Variants in VPS53 observed in about 807,000 individuals in gnomAD.
The protein encoded by VPS53 is VPS53 subunit of GARP complex, also known as vacuolar protein sorting-associated protein 53 homolog.
Under a neutral mutation model 107.0 loss-of-function variants are expected in VPS53, and 70 were observed. The observed-to-expected ratio is 0.65, with a 90% CI of 0.54 to 0.80. The LOEUF (loss-of-function observed/expected upper bound fraction) is 0.80. Ranked by LOEUF, VPS53 falls within the 30% of genes least tolerant of loss-of-function variation. VPS53 has a pLI of 0.00. For synonymous variants in VPS53, 409 were observed against 393.3 expected (o/e 1.04, Z -0.47); for missense variants, 917 against 1,049.4 (o/e 0.87, Z 1.74).
Position 708,153 on chromosome 17 carries a change from C to G in VPS53, c.168+2380G>C, listed in dbSNP as rs1394500179. 3.3e-5 allele frequency among the ~76,000 whole-genome samples: 5 copies of G among 152,312 alleles called. No homozygotes were observed. The East Asian group carries it at 9.6e-4, about 29-fold the overall frequency. ...CGAAACTAAGAAGTAGTAGGAAAGA[C>G]AGCTGGGCCCGGGGCACCACTACCA... On this transcript the variant is annotated intron_variant, in intron 2 of 21. Coordinates refer to ENST00000437048, the MANE Select transcript of VPS53 (RefSeq NM_001128159.3).
At chr17:692,249 T>G (rs185367153) in intron 4 of VPS53, among the ~76,000 whole-genome samples, 3 of 152,320 alleles carry the variant, frequency 2.0e-5, no homozygotes, top group South Asian at 2.1e-4. Flanking sequence ...TTTTAATTCT[T>G]GGGAAGCTGC....
intron 2 of VPS53, among the ~76,000 whole-genome samples, chr17:701,795 T>C (rs1411408502): frequency 6.6e-6 from 1 of 152,144 alleles, no homozygotes; most frequent in African/African-American, 2.4e-5. Context: ...GGTGCAATCA[T>C]AGCTCACTGT....
intron 13 of VPS53, among the ~76,000 whole-genome samples, chr17:574,285 T>C (rs1169563899): frequency 3.3e-5 from 5 of 152,042 alleles, no homozygotes; most frequent in Non-Finnish European, 7.4e-5. Flanking sequence ...CACAGGAAAA[T>C]GGAGAGTCCC....
intron 11 of VPS53, among the ~76,000 whole-genome samples, chr17:613,493 TCACA>T (rs1279435509): frequency 6.6e-6 from 1 of 151,832 alleles, no homozygotes; most frequent in South Asian, 2.1e-4. Flanking sequence ...CATAGTGAGT[TCACA>T]CAGTGAAAAC....
At position 557,572 on chromosome 17, in the gene VPS53, A is replaced by T. The variant is rs1341398065; in HGVS notation, c.1704+2854T>A. Among the ~76,000 whole-genome samples, 3 of 152,176 alleles carry T rather than the reference A, an allele frequency of 2.0e-5. No individual in the cohort carries two copies. The East Asian group carries it at 5.8e-4, about 29-fold the overall frequency. On this transcript the variant is annotated intron_variant, in intron 15 of 21. Transcript: ENST00000437048. Reference sequence around the variant, plus strand: ...AACATGATGTTCTGATTCATCTTGTAGATTTCCTGCCCTTGACCTGGAATT... The same window carrying T: ...AACATGATGTTCTGATTCATCTTGTTGATTTCCTGCCCTTGACCTGGAATT...
intron 12 of VPS53, among the ~76,000 whole-genome samples, chr17:589,643 A>C (rs1185253601): frequency 6.6e-6 from 1 of 152,240 alleles, no homozygotes; most frequent in East Asian, 1.9e-4. Context: ...TAACGTCAGA[A>C]AACTTGGAAA....
intron 13 of VPS53, among the ~76,000 whole-genome samples, chr17:584,538 T>A (rs902410037): frequency 1.3e-4 from 20 of 152,320 alleles, no homozygotes; most frequent in African/African-American, 4.6e-4. Context: ...TTTTCTTTTC[T>A]TTTTTTCTTT....
intron 7 of VPS53, among the ~76,000 whole-genome samples, chr17:643,988 TG>T (rs1338294663): frequency 6.6e-6 from 1 of 152,208 alleles, no homozygotes; most frequent in Non-Finnish European, 1.5e-5. Flanking sequence ...AGGTTAGAAA[TG>T]GCTGTGAAAA....
chr17:599,002 G>A (rs1293221270), intron 12 of VPS53, among the ~76,000 whole-genome samples: 1 of 116,784 alleles, frequency 8.6e-6, no homozygotes, highest in Non-Finnish European at 1.9e-5. Context: ...GAGGTGGGGG[G>A]GGGGGTCAGC....
At chr17:701,285 C>T (rs527497867) in intron 2 of VPS53, among the ~76,000 whole-genome samples, 1 of 151,888 alleles carries the variant, frequency 6.6e-6, no homozygotes, top group East Asian at 1.9e-4. Flanking sequence ...ATGTTTGCAC[C>T]ACTGCACTCC....
At chr17:549,024 A>C (rs1259347745) in intron 17 of VPS53, among the ~76,000 whole-genome samples, 1 of 152,198 alleles carries the variant, frequency 6.6e-6, no homozygotes, top group Non-Finnish European at 1.5e-5. Flanking sequence ...TATTAAAGTT[A>C]CTGGGTATTG....
chr17:648,907 A>G (rs28369488), intron 7 of VPS53, among the ~76,000 whole-genome samples: 2 of 125,034 alleles, frequency 1.6e-5, no homozygotes, highest in African/African-American at 3.0e-5. Flanking sequence ...ATCTTACACT[A>G]TAGGACAGAG....
At chr17:590,528 G>A (rs1439306589) in intron 12 of VPS53, among the ~76,000 whole-genome samples, 14 of 151,492 alleles carry the variant, frequency 9.2e-5, no homozygotes, top group African/African-American at 2.9e-4. Flanking sequence ...CATAGATAGC[G>A]CTTATGATTT....
chr17:666,598 A>C (rs545998535), intron 4 of VPS53, among the ~76,000 whole-genome samples: 43 of 152,196 alleles, frequency 2.8e-4, no homozygotes, highest in Non-Finnish European at 5.4e-4. Context: ...CAGGAGGCAG[A>C]GGTTGCAGTG....
chr17:591,624 A>G (rs1967656566), intron 12 of VPS53, among the ~76,000 whole-genome samples: 1 of 151,916 alleles, frequency 6.6e-6, no homozygotes, highest in Non-Finnish European at 1.5e-5. Flanking sequence ...TTCTGCCTTC[A>G]TTTCGTTATG....
intron 7 of VPS53, among the ~76,000 whole-genome samples, chr17:635,093 T>C (rs189931619): frequency 6.6e-6 from 1 of 152,338 alleles, no homozygotes; most frequent in East Asian, 1.9e-4. Flanking sequence ...CCATTCTAAC[T>C]GGTGTGAGAT....
At chr17:527,367 A>C (rs1462708325) in intron 19 of VPS53, among the ~76,000 whole-genome samples, 1 of 152,060 alleles carries the variant, frequency 6.6e-6, no homozygotes, top group East Asian at 1.9e-4. Context: ...CTCTCACTGT[A>C]GCTTGTTTCC....
chr17:579,137 T>C (rs899470574), intron 13 of VPS53, among the ~76,000 whole-genome samples: 1 of 149,534 alleles, frequency 6.7e-6, no homozygotes, highest in African/African-American at 2.5e-5. Flanking sequence ...CAGAACCTAA[T>C]GCGTTCCCAG....
intron 13 of VPS53, among the ~76,000 whole-genome samples, chr17:580,782 A>G (rs1966973870): frequency 6.7e-6 from 1 of 149,798 alleles, no homozygotes; most frequent in Non-Finnish European, 1.5e-5. Flanking sequence ...TAGGACCTCA[A>G]TGCGTTCCCA....
Sources: allele counts gnomAD v4.1 joint callset (sites outside exome capture counted in the v4.1 genomes callset), GRCh38; gene constraint gnomAD v4.1.1; transcripts MANE v1.5; gene names NCBI Gene and HGNC (gene_info 2026-07-23, HGNC 2026-07-21).